Variants in PRKN observed in about 807,000 individuals in gnomAD.
PRKN encodes parkin RBR E3 ubiquitin protein ligase.
PRKN carries 56 observed loss-of-function variants against 59.5 expected under a neutral mutation model. The observed-to-expected ratio is 0.94, with a 90% CI of 0.76 to 1.18. PRKN has a LOEUF of 1.18. Among genes scored for constraint, PRKN ranks in the 50% most tolerant of loss-of-function variants. PRKN has a pLI of 0.00. For synonymous variants in PRKN, 250 were observed against 222.1 expected, an observed-to-expected ratio of 1.13 and a Z score of -1.12; for missense variants, 657 against 596.4, an observed-to-expected ratio of 1.10 and a Z score of -1.06.
chr6:162,650,030 G>T (rs899714334), intron 1 of PRKN, among the ~76,000 whole-genome samples: 1 of 152,134 alleles, frequency 6.6e-6, no homozygotes, highest in Admixed American at 6.5e-5. Context: ...TTTAGAGCAC[G>T]GACATACGTG....
chr6:162,521,736 T>G (rs1778085621), intron 1 of PRKN, among the ~76,000 whole-genome samples: 1 of 152,074 alleles, frequency 6.6e-6, no homozygotes, highest in Non-Finnish European at 1.5e-5. Flanking sequence ...ATTTATAGTT[T>G]TGTCAACCAA....
intron 1 of PRKN, among the ~76,000 whole-genome samples, chr6:162,606,186 C>T (rs1781905680): frequency 6.6e-6 from 1 of 152,168 alleles, no homozygotes; most frequent in African/African-American, 2.4e-5. Flanking sequence ...ATTACAGATG[C>T]TCCTTAACCT....
rs115969041 is a variant in PRKN at position 161,603,843 on chromosome 6, C to G, written c.872-34427G>C. Among the ~76,000 whole-genome samples the G allele has an allele frequency of 6.3e-3, 954 of 152,244 alleles. 8 individuals are homozygous for G. The highest frequency in any genetic ancestry group is 0.022 in the African/African-American group (901 of 41,534). On this transcript the variant is annotated intron_variant, in intron 7 of 11. Transcript: ENST00000366898. ...AGTAAGATTAGAGTGAGCTGCTGAG[C>G]TGAAAGGGAAATCCAAGAGAAGGAG...
chr6:161,565,550 T>C (rs1780610353), intron 8 of PRKN, among the ~76,000 whole-genome samples: 1 of 152,162 alleles, frequency 6.6e-6, no homozygotes, highest in Non-Finnish European at 1.5e-5. Flanking sequence ...TATAATTGGC[T>C]GGCATTTCCC....
chr6:161,485,670 T>G (rs1349140366), intron 9 of PRKN, among the ~76,000 whole-genome samples: 1 of 152,066 alleles, frequency 6.6e-6, no homozygotes, highest in Admixed American at 6.5e-5. Context: ...AAATCAAAAT[T>G]TTTTTGGACA....
chr6:162,577,400 G>T (rs1780604186), intron 1 of PRKN, among the ~76,000 whole-genome samples: 1 of 151,542 alleles, frequency 6.6e-6, no homozygotes, highest in Non-Finnish European at 1.5e-5. Flanking sequence ...AGGAGTTCGA[G>T]ACCAGCCTGG....
chr6:161,699,395 A>C (rs1432013738), intron 7 of PRKN, among the ~76,000 whole-genome samples: 2 of 152,140 alleles, frequency 1.3e-5, no homozygotes, highest in Admixed American at 6.6e-5. Context: ...AAATAGTCAT[A>C]ACAGTTTTAT....
intron 2 of PRKN, among the ~76,000 whole-genome samples, chr6:162,417,524 A>T (rs1246389604): frequency 6.6e-6 from 1 of 152,216 alleles, no homozygotes; most frequent in Non-Finnish European, 1.5e-5. Flanking sequence ...GGAGTAACTT[A>T]AATGTCATTT....
At chr6:161,626,965 C>T (rs1319269609) in intron 7 of PRKN, among the ~76,000 whole-genome samples, 3 of 151,888 alleles carry the variant, frequency 2.0e-5, no homozygotes, top group Non-Finnish European at 4.4e-5. Flanking sequence ...AGTTTCTTTA[C>T]ATCCCCTTGT....
chr6:162,627,528 G>A (rs1782943274), intron 1 of PRKN, among the ~76,000 whole-genome samples: 1 of 152,010 alleles, frequency 6.6e-6, no homozygotes, highest in African/African-American at 2.4e-5. Context: ...TTTATTTAAG[G>A]AAGGTAACTG....
At position 161,545,241 on chromosome 6, in the gene PRKN, T is replaced by C; in HGVS notation, c.1083+3613A>G. 7.3e-7 allele frequency: 1 copy of C among 1,372,504 alleles called. No homozygotes were observed. The highest frequency in any genetic ancestry group is 2.0e-5 in the South Asian group (1 of 50,042). 85.0% of individuals were successfully genotyped at this position (1,372,504 alleles called of 1,614,324 possible). A position where few individuals can be genotyped will look rare whatever the true frequency, so the allele number is the denominator to read the frequency against. On this transcript the variant is annotated intron_variant, in intron 9 of 11. Coordinates refer to ENST00000366898, the MANE Select transcript of PRKN (RefSeq NM_004562.3). This position sits in a 1 kb window ranked among gnomAD's most constrained non-coding sequence, Gnocchi z 4.1. The stretch of plus-strand genomic sequence containing the variant: ...GAAAAAAAAATTAAGCACGGGTGAA[T>C]TCACAGGCATCTTACAATAAATCTG...
At position 161,584,116 on chromosome 6, in the gene PRKN, T is replaced by C. The variant is rs544525071; in HGVS notation, c.872-14700A>G. On this transcript the variant is annotated intron_variant, in intron 7 of 11. Coordinates refer to ENST00000366898, the MANE Select transcript of PRKN (RefSeq NM_004562.3). This position sits in a 1 kb window ranked among gnomAD's most constrained non-coding sequence, Gnocchi z 4.8. ...CTTGGTTGTATGTGTATTCATCTCT[T>C]CTTCCTTCCTGAGATGAAGCTTGGC... Among the ~76,000 whole-genome samples the C allele has an allele frequency of 3.9e-4, 60 of 152,326 alleles. No individual in the cohort carries two copies. The highest frequency in any genetic ancestry group is 1.2e-3 in the African/African-American group (48 of 41,576).
At chr6:162,664,729 G>T (rs1360937273) in intron 1 of PRKN, among the ~76,000 whole-genome samples, 1 of 151,836 alleles carries the variant, frequency 6.6e-6, no homozygotes, top group Non-Finnish European at 1.5e-5. Context: ...ACTTTTTGAT[G>T]CTGTTTTTTT....
chr6:162,520,593 C>T (rs1010995935), intron 1 of PRKN, among the ~76,000 whole-genome samples: 1 of 152,102 alleles, frequency 6.6e-6, no homozygotes, highest in African/African-American at 2.4e-5. Context: ...TTATTACAAA[C>T]CAATGAATTT....
At chr6:162,053,434 C>T (rs563172142) in intron 5 of PRKN, among the ~76,000 whole-genome samples, 1 of 152,206 alleles carries the variant, frequency 6.6e-6, no homozygotes, top group Admixed American at 6.5e-5. Context: ...AAAAATACAA[C>T]AATATACATG....
At chr6:161,910,944 T>C (rs1383941291) in intron 6 of PRKN, among the ~76,000 whole-genome samples, 1 of 152,154 alleles carries the variant, frequency 6.6e-6, no homozygotes, top group Non-Finnish European at 1.5e-5. Flanking sequence ...AAAGAAATAA[T>C]GGTAATAACA....
chr6:161,595,867 A>C (rs899813025), intron 7 of PRKN, among the ~76,000 whole-genome samples: 1 of 152,180 alleles, frequency 6.6e-6, no homozygotes, highest in African/African-American at 2.4e-5. Context: ...AAGAAAGAAC[A>C]TTCCTGGGTC....
At chr6:162,120,802 C>T (rs1226277301) in intron 4 of PRKN, among the ~76,000 whole-genome samples, 1 of 152,108 alleles carries the variant, frequency 6.6e-6, no homozygotes, top group Non-Finnish European at 1.5e-5. Context: ...GGAAGGGCAA[C>T]GATTAATATC....
chr6:162,702,791 A>G (rs1055335226), intron 1 of PRKN, among the ~76,000 whole-genome samples: 2 of 152,208 alleles, frequency 1.3e-5, no homozygotes, highest in Non-Finnish European at 2.9e-5. Context: ...AAGAGAATTA[A>G]TAGTGCATAA....
Sources: gnomAD v4.1 joint callset for allele counts (sites outside exome capture counted in the v4.1 genomes callset) on GRCh38, gnomAD v4.1.1 for gene constraint, Gnocchi (gnomAD v3.1) non-coding constraint, MANE v1.5 for transcripts, NCBI Gene and HGNC (gene_info 2026-07-23, HGNC 2026-07-21) for gene names.